PKD1: variants seen among roughly 807,000 people sequenced by gnomAD.
PKD1 encodes polycystin-1.
PKD1 carries 81 observed loss-of-function variants against 361.7 expected under a neutral mutation model. That is an observed-to-expected ratio of 0.22 (90% CI 0.19 to 0.27). The LOEUF (loss-of-function observed/expected upper bound fraction) is 0.27, where lower values mean the gene tolerates loss of function less well. Ranked by LOEUF, PKD1 falls within the 10% of genes least tolerant of loss-of-function variation. PKD1 has a pLI of 1.00. For synonymous variants in PKD1, 3,615 were observed against 2,818.3 expected, an observed-to-expected ratio of 1.28 and a Z score of -8.95; for missense variants, 6,399 against 6,118.3, an observed-to-expected ratio of 1.05 and a Z score of -1.53.
chr16:2,113,064 G>C (rs1447210393), intron 12 of PKD1, 97 bp downstream of exon 12: 2 of 1,325,382 alleles, frequency 1.5e-6, no homozygotes, highest in East Asian at 4.7e-5. Flanking sequence ...AGCGTCCTCG[G>C]GCAGCATGAA....
chr16:2,128,837 T>C (rs1216113032), intron 1 of PKD1, among the ~76,000 whole-genome samples: 9 of 151,956 alleles, frequency 5.9e-5, no homozygotes, highest in African/African-American at 2.2e-4. Context: ...CCAAAGTAGC[T>C]GAGACTACAG....
rs1304341766 is a variant in PKD1, at chr16:2,131,339, G to A, written c.215+4136C>T. On this transcript the variant is annotated intron_variant, in intron 1 of 45. Coordinates refer to ENST00000262304, the MANE Select transcript of PKD1 (RefSeq NM_001009944.3). The stretch of plus-strand genomic sequence containing the variant: ...ATCCTGGCTAACACGGTGAAACCCC[G>A]TCTCTACTAAAAATACAAAAAATTA... 8.6e-5 allele frequency among the ~76,000 whole-genome samples: 13 copies of A among 151,716 alleles called. No individual in the cohort carries two copies. The East Asian group carries it at 1.2e-3, about 14-fold the overall frequency.
At position 2,090,808 on chromosome 16, in the gene PKD1, C is replaced by T. The variant is rs765155410; in HGVS notation, c.12004G>A (p.Ala4002Thr). 9 of 1,612,376 alleles carry T rather than the reference C, an allele frequency of 5.6e-6. No individual in the cohort carries two copies. Among genetic ancestry groups the T allele is most frequent in the South Asian group, 1.1e-5 (1 of 91,088 alleles). ...ASLLFLLLVK[A>T]AQQLRFVRQW... ...CGCACGAAGCGTAGCTGCTGGGCAG[C>T]CTGCGGACGAGAAATCTGTCTGCTT... The change falls in exon 44 of 46, where the codon GCT becomes ACT. Residue 4002 changes from alanine to threonine, a missense_variant and splice_region_variant. By Grantham distance (58) the Ala-to-Thr change is moderately conservative. Coordinates refer to ENST00000262304, the MANE Select transcript of PKD1 (RefSeq NM_001009944.3).
At position 2,108,270 on chromosome 16, in the gene PKD1, G is replaced by C. The variant is rs765103566; in HGVS notation, c.6897C>G (p.Ala2299=). The C allele has an allele frequency of 5.0e-6, 8 of 1,600,900 alleles. No homozygotes were observed. Among genetic ancestry groups the C allele is most frequent in the Non-Finnish European group, 6.8e-6 (8 of 1,172,624 alleles). Residue 2299 remains alanine (A), a synonymous_variant, in exon 15 of 46, where the codon GCC becomes GCG. Transcript: ENST00000262304. ...GDQTPLSFHW[A]CVASTQREAG... ...CACTGACCTGTGTCGAAGCCACACAGGCCCAGTGGAAACTGAGCGGCGTCT... is the reference window on the plus strand; with the variant it reads ...CACTGACCTGTGTCGAAGCCACACACGCCCAGTGGAAACTGAGCGGCGTCT...
intron 1 of PKD1, among the ~76,000 whole-genome samples, chr16:2,121,354 G>C (rs1321918428): frequency 6.6e-6 from 1 of 151,500 alleles, no homozygotes. Flanking sequence ...TCCTGCAAGA[G>C]TGAAGCTCCA....
chr16:2,103,481 G>C lies in PKD1; in HGVS notation c.8576C>G (p.Ala2859Gly), dbSNP rs774186306. The change falls in exon 23 of 46, where the codon GCC becomes GGC. Residue 2859 changes from alanine (A) to glycine (G), a missense_variant. Coordinates refer to ENST00000262304, the MANE Select transcript of PKD1 (RefSeq NM_001009944.3). The part of the protein sequence containing the change: ...ASMAFQTQAG[A>G]QIPIERLASE... ...GGCCAGCCGCTCGATGGGGATCTGGGCGCCGGCCTGTGTCTGGAATGCCAT... is the reference window on the plus strand; with the variant it reads ...GGCCAGCCGCTCGATGGGGATCTGGCCGCCGGCCTGTGTCTGGAATGCCAT... 1.2e-6 allele frequency: 2 copies of C among 1,601,570 alleles called. No individual in the cohort carries two copies. Among genetic ancestry groups the C allele is most frequent in the Non-Finnish European group, 1.7e-6 (2 of 1,179,670 alleles).
intron 22 of PKD1, 148 bp downstream of exon 22, chr16:2,104,350 T>TG (rs1319125517): frequency 1.0e-4 from 47 of 454,422 alleles, no homozygotes; most frequent in South Asian, 4.0e-4. Flanking sequence ...GAATGGGAAT[T>TG]GGGGGAGGGG....
Position 2,111,888 on chromosome 16 carries a change from G to A in PKD1, c.3296-17C>T, listed in dbSNP as rs770880391. The A allele has an allele frequency of 1.4e-5, 23 of 1,609,390 alleles. No homozygotes were observed. The highest frequency in any genetic ancestry group is 6.7e-5 in the African/African-American group (5 of 74,820). ...GGTACTCACCTGTGGGGACAGGCCC[G>A]AGTGGGGCAGCCGCGGCACCCCCAC... On this transcript the variant is annotated splice_polypyrimidine_tract_variant and intron_variant, in intron 14 of 45. Coordinates refer to ENST00000262304, the MANE Select transcript of PKD1 (RefSeq NM_001009944.3).
chr16:2,092,923 G>C (rs377211385), intron 38 of PKD1, 31 bp downstream of exon 38: 12 of 1,612,632 alleles, frequency 7.4e-6, no homozygotes, highest in Non-Finnish European at 1.0e-5. Flanking sequence ...CTAAAGCCCA[G>C]AAGACAGACC....
rs757173009 is a variant in PKD1 at position 2,109,083 on chromosome 16, G to A, written c.6084C>T (p.Tyr2028=). The A allele has an allele frequency of 5.0e-6, 8 of 1,604,302 alleles. No homozygotes were observed. The African/African-American group carries it at 1.1e-4, about 21-fold the overall frequency. ...LVILSGRDVT[Y]TPVAAGLLEI... The stretch of plus-strand genomic sequence containing the variant: ...CCAACAGCCCCGCGGCCACGGGCGT[G>A]TAGGTGACGTCGCGGCCCGACAGGA... The change falls in exon 15 of 46, where the codon TAC becomes TAT. Residue 2028 remains tyrosine (Y), a synonymous_variant. Coordinates refer to ENST00000262304, the MANE Select transcript of PKD1 (RefSeq NM_001009944.3).
intron 1 of PKD1, among the ~76,000 whole-genome samples, chr16:2,129,186 C>T (rs1448762575): frequency 6.8e-6 from 1 of 147,240 alleles, no homozygotes; most frequent in African/African-American, 2.5e-5. Context: ...TTTTTAAAGA[C>T]CGTTTCCTAG....
Position 2,097,979 on chromosome 16 carries a change from A to T in PKD1, c.10056T>A (p.Ala3352=). ...FLFRMSRSKV[A]GSPSPTPAGQ... ...CGGCAGGTGTGGGGCTCGGGCTCCC[A>T]GCCACCTGCAGGACGAGGGCAGTGG... Residue 3352 remains alanine (A), a synonymous_variant, in exon 31 of 46, where the codon GCT becomes GCA. Transcript: ENST00000262304. The T allele has an allele frequency of 6.4e-7, 1 of 1,569,884 alleles. No homozygotes were observed. The highest frequency in any genetic ancestry group is 8.7e-7 in the Non-Finnish European group (1 of 1,146,376).
chr16:2,093,390 G>A (rs1423077815), intron 37 of PKD1, 154 bp downstream of exon 37: 1 of 778,486 alleles, frequency 1.3e-6, no homozygotes, highest in Non-Finnish European at 2.1e-6. Flanking sequence ...GGGGGCGTGG[G>A]GTAGGAGGGA....
chr16:2,112,317 C>T (rs1280358976), intron 14 of PKD1, 23 bp downstream of exon 14: 4 of 1,578,968 alleles, frequency 2.5e-6, no homozygotes, highest in Non-Finnish European at 3.4e-6. Flanking sequence ...AGGCAGTGGC[C>T]CCCTCACCCC....
chr16:2,088,724 C>A lies in PKD1; in HGVS notation c.*1003G>T. The A allele has an allele frequency of 7.3e-7, 1 of 1,369,684 alleles. No individual in the cohort carries two copies. The highest frequency in any genetic ancestry group is 9.9e-7 in the Non-Finnish European group (1 of 1,009,556). 84.8% of individuals were successfully genotyped at this position (1,369,684 alleles called of 1,614,324 possible). A position where few individuals can be genotyped will look rare whatever the true frequency, so the allele number is the denominator to read the frequency against. On this transcript the variant is annotated 3_prime_UTR_variant, in exon 46 of 46. Coordinates refer to ENST00000262304, the MANE Select transcript of PKD1 (RefSeq NM_001009944.3). ...AGGCACAGATTGCAGTCAGACAGCT[C>A]TTTTATTGACTTTGTCTGCTTGGTG...
Position 2,089,987 on chromosome 16 carries a change from C to G in PKD1, c.12652G>C (p.Val4218Leu). The G allele has an allele frequency of 6.2e-7, 1 of 1,611,588 alleles. No individual in the cohort carries two copies. Among genetic ancestry groups the G allele is most frequent in the Non-Finnish European group, 8.5e-7 (1 of 1,179,568 alleles). The change falls in exon 46 of 46, where the codon GTG becomes CTG. Residue 4218 changes from valine (V) to leucine (L), a missense_variant. Physicochemically the swap from Val to Leu is conservative, Grantham distance 32. Transcript: ENST00000262304. ...CEPEPSRLQAVFEALLTQFDR... is the reference protein window; with the variant it reads ...CEPEPSRLQALFEALLTQFDR... The stretch of plus-strand genomic sequence containing the variant: ...AACTGGGTGAGCAGGGCCTCGAACA[C>G]GGCTTGGAGGCGGGAGGGCTCAGGC...
At position 2,106,040 on chromosome 16, in the gene PKD1, G is replaced by T. The variant is rs548925324; in HGVS notation, c.7704-16C>A. On this transcript the variant is annotated splice_polypyrimidine_tract_variant and intron_variant, in intron 19 of 45. Coordinates refer to ENST00000262304, the MANE Select transcript of PKD1 (RefSeq NM_001009944.3). This position sits in a 1 kb window ranked among gnomAD's most constrained non-coding sequence, Gnocchi z 6.5. ...GGCCAAAGACCTACGAGCAGAGGGG[G>T]GTGGTGAGCAGGTGGCAGTCTCGGG... 1.2e-6 allele frequency: 2 copies of T among 1,607,068 alleles called. No homozygotes were observed. Among genetic ancestry groups the T allele is most frequent in the Non-Finnish European group, 1.7e-6 (2 of 1,178,830 alleles).
In PKD1 at chr16:2,111,591, C is replaced by G; in HGVS notation, c.3576G>C (p.Glu1192Asp). Residue 1192 changes from glutamate (E) to aspartate (D), a missense_variant, in exon 15 of 46, where the codon GAG becomes GAC. Transcript: ENST00000262304. ...ASRGTYHVRL[E>D]VNNTVSGAAA... ...CCGCACCGCTCACCGTGTTGTTGAC[C>G]TCCAGGCGCACGTGGTAGGTGCCCC... 1.3e-6 allele frequency: 2 copies of G among 1,573,782 alleles called. No individual in the cohort carries two copies. Among genetic ancestry groups the G allele is most frequent in the Non-Finnish European group, 1.7e-6 (2 of 1,160,772 alleles).
In PKD1 at chr16:2,117,057, G is replaced by A. The variant is rs937476393; in HGVS notation, c.1386-4C>T. 6.4e-7 allele frequency: 1 copy of A among 1,552,868 alleles called. No homozygotes were observed. The highest frequency in any genetic ancestry group is 1.1e-5 in the South Asian group (1 of 88,642). ...GCCGATCCACACGTCTAGGCTCCTG[G>A]GGGCGGGTGTGGGATGGCAGGGGGC... On this transcript the variant is annotated splice_region_variant and splice_polypyrimidine_tract_variant and intron_variant, in intron 6 of 45. Coordinates refer to ENST00000262304, the MANE Select transcript of PKD1 (RefSeq NM_001009944.3).
Sources: allele counts gnomAD v4.1 joint callset (sites outside exome capture counted in the v4.1 genomes callset), GRCh38; gene constraint gnomAD v4.1.1; non-coding constraint Gnocchi (gnomAD v3.1); transcripts MANE v1.5; gene names NCBI Gene and HGNC (gene_info 2026-07-23, HGNC 2026-07-21).